TPRKB: variants seen among roughly 807,000 people sequenced by gnomAD.
The protein encoded by TPRKB is EKC/KEOPS complex subunit TPRKB.
Under a neutral mutation model 17.8 loss-of-function variants are expected in TPRKB, and 11 were observed. That is an observed-to-expected ratio of 0.62 (90% CI 0.39 to 1.02). TPRKB has a LOEUF of 1.02. Ranked by LOEUF, TPRKB falls within the 50% of genes least tolerant of loss-of-function variation. TPRKB has a pLI of 0.00. For missense variants in TPRKB, 228 were observed against 198.0 expected, an observed-to-expected ratio of 1.15 and a Z score of -0.91; for synonymous variants, 71 against 69.5, an observed-to-expected ratio of 1.02 and a Z score of -0.11.
Position 73,730,631 on chromosome 2 carries a change from A to G in TPRKB, c.370T>C (p.Ser124Pro). ...EKQINQEYLI[S>P]QVEGHQVSLK... ...GAAACCTGATGACCTTCTACTTGAG[A>G]TATTAGGTATTCTTGATTTATTTGT... The change falls in exon 4 of 5, where the codon TCT (serine) becomes CCT (proline). Residue 124 changes from serine (S) to proline (P), a missense_variant. Physicochemically the swap from Ser to Pro is moderately conservative, Grantham distance 74. Coordinates refer to ENST00000272424, the MANE Select transcript of TPRKB (RefSeq NM_016058.5). 1 of 1,591,462 alleles carries G rather than the reference A, an allele frequency of 6.3e-7. No homozygotes were observed.
intron 1 of TPRKB, among the ~76,000 whole-genome samples, chr2:73,735,686 G>A (rs1671847625): frequency 6.6e-6 from 1 of 152,148 alleles, no homozygotes; most frequent in South Asian, 2.1e-4. Context: ...AGAAAGACAT[G>A]ACCATATCTT....
rs1249519657 is a variant in TPRKB, at chr2:73,732,179, A to G, written c.248T>C (p.Leu83Pro). 9 of 1,613,576 alleles carry G rather than the reference A, an allele frequency of 5.6e-6. No individual in the cohort carries two copies. Among genetic ancestry groups the G allele is most frequent in the Non-Finnish European group, 7.6e-6 (9 of 1,179,866 alleles). Residue 83 changes from leucine (L) to proline (P), a missense_variant, in exon 3 of 5, where the codon CTT (leucine) becomes CCT (proline). Physicochemically the swap from Leu to Pro is moderately conservative, Grantham distance 98. Coordinates refer to ENST00000272424, the MANE Select transcript of TPRKB (RefSeq NM_016058.5). ...GCACATTACATTGTTATTTGGGGAA[A>G]GGTTGAAAATAATTTCAGTAGATAG... ...RTLSTEIIFN[L>P]SPNNNISEAL...
intron 2 of TPRKB, 108 bp downstream of exon 2, chr2:73,734,321 A>C: frequency 8.7e-7 from 1 of 1,145,930 alleles, no homozygotes; most frequent in Non-Finnish European, 1.2e-6. Context: ...CTGGTCTTCA[A>C]CTCCTGACCT....
At chr2:73,730,869 C>CA in intron 3 of TPRKB, 133 bp from the exon 4 acceptor site, 2 of 573,896 alleles carry the variant, frequency 3.5e-6, no homozygotes, top group Non-Finnish European at 5.7e-6. Flanking sequence ...TCACTGCCTA[C>CA]TTTTTCACTT....
chr2:73,734,223 C>T (rs543466305), intron 2 of TPRKB, among the ~76,000 whole-genome samples: 3 of 151,936 alleles, frequency 2.0e-5, no homozygotes, highest in Admixed American at 2.0e-4. Context: ...CTCAGCCTCC[C>T]GAGTAGCTGG....
At chr2:73,733,246 GTTTTTTTGTT>G (rs1248524221) in intron 2 of TPRKB, among the ~76,000 whole-genome samples, 2 of 119,422 alleles carry the variant, frequency 1.7e-5, no homozygotes, top group South Asian at 2.9e-4. Flanking sequence ...CGTGTGCCCT[GTTTTTTTGTT>G]TTTTTTTTTT....
Position 73,730,712 on chromosome 2 carries a change from C to G in TPRKB, c.289G>C (p.Gly97Arg), listed in dbSNP as rs749744467. Residue 97 changes from glycine (G) to arginine (R), a missense_variant, in exon 4 of 5, where the codon GGT (glycine) becomes CGT (arginine). Transcript: ENST00000272424. ...NNISEALKKF[G>R]ISANDTSILI... ...ATTGAAGTGTCATTTGCTGAGATAC[C>G]AAATTTTTTCAAAGCCTCTGAAATC... 1.3e-6 allele frequency: 2 copies of G among 1,499,900 alleles called. No individual in the cohort carries two copies. Among genetic ancestry groups the G allele is most frequent in the African/African-American group, 1.5e-5 (1 of 67,814 alleles). The allele number at this position is 1,499,900 out of a possible 1,614,324, so 92.9% of individuals were successfully genotyped here. A position where few individuals can be genotyped will look rare whatever the true frequency, so the allele number is the denominator to read the frequency against.
chr2:73,730,513 T>G, intron 4 of TPRKB, 47 bp downstream of exon 4: 1 of 1,364,426 alleles, frequency 7.3e-7, no homozygotes, highest in Non-Finnish European at 1.0e-6. Flanking sequence ...GGCATCAGCA[T>G]TATTGCTCAT....
intron 2 of TPRKB, among the ~76,000 whole-genome samples, chr2:73,733,269 T>TTTTG (rs70965751): frequency 1.4e-5 from 2 of 147,530 alleles, no homozygotes; most frequent in Non-Finnish European, 3.0e-5. Context: ...TTTTTTTTTT[T>TTTTG]GGAGACAGAC....
chr2:73,730,037 A>T lies in TPRKB; in HGVS notation c.442-8T>A, dbSNP rs771658283. The stretch of plus-strand genomic sequence containing the variant: ...TGAAGAGAGTTTATATATCTGTAAA[A>T]ATGAAAGACAAATTATGACTTGCTG... On this transcript the variant is annotated splice_polypyrimidine_tract_variant and splice_region_variant and intron_variant, in intron 4 of 4. Transcript: ENST00000272424. 5 of 1,550,618 alleles carry T rather than the reference A, an allele frequency of 3.2e-6. No homozygotes were observed. Among genetic ancestry groups the T allele is most frequent in the Non-Finnish European group, 4.4e-6 (5 of 1,146,242 alleles).
intron 2 of TPRKB, among the ~76,000 whole-genome samples, chr2:73,733,531 A>C (rs1041588578): frequency 6.6e-6 from 1 of 151,824 alleles, no homozygotes; most frequent in African/African-American, 2.4e-5. Flanking sequence ...TGTACTCTTA[A>C]CCACTACACT....
chr2:73,734,575 A>AGAT lies in TPRKB; in HGVS notation c.-9_-7dup, dbSNP rs539761379. 254 of 1,603,974 alleles carry AGAT rather than the reference A, an allele frequency of 1.6e-4. No homozygotes were observed. In the African/African-American group the frequency reaches 1.8e-3, roughly 11 times the overall value. On this transcript the variant is annotated 5_prime_UTR_variant, in exon 2 of 5. Coordinates refer to ENST00000272424, the MANE Select transcript of TPRKB (RefSeq NM_016058.5). ...AGCTGATGTGTTAACTGCATTTCAC[A>AGAT]GATAAGCAGGATTCTACTGCACACA...
At chr2:73,730,160 G>A in intron 4 of TPRKB, 131 bp from the exon 5 acceptor site, 2 of 1,103,692 alleles carry the variant, frequency 1.8e-6, no homozygotes, top group Non-Finnish European at 2.5e-6. Context: ...AACAACAAAT[G>A]TGATTAAAAT....
At chr2:73,736,421 A>T (rs1671882201) in intron 1 of TPRKB, among the ~76,000 whole-genome samples, 1 of 152,208 alleles carries the variant, frequency 6.6e-6, no homozygotes, top group African/African-American at 2.4e-5. Context: ...CACACAAAAC[A>T]TGAGTACACA....
chr2:73,730,181 GA>G, intron 4 of TPRKB, 152 bp from the exon 5 acceptor site: 1 of 950,384 alleles, frequency 1.1e-6, no homozygotes, highest in Non-Finnish European at 1.4e-6. Flanking sequence ...ATTCAAAGTA[GA>G]GGGCAATTCA....
At chr2:73,736,040 T>C (rs1281734646) in intron 1 of TPRKB, among the ~76,000 whole-genome samples, 1 of 152,132 alleles carries the variant, frequency 6.6e-6, no homozygotes, top group Non-Finnish European at 1.5e-5. Flanking sequence ...AAACACAAAC[T>C]GGCCAAAATG....
chr2:73,736,435 TAAGA>T (rs1483784110), intron 1 of TPRKB, among the ~76,000 whole-genome samples: 1 of 152,100 alleles, frequency 6.6e-6, no homozygotes, highest in Non-Finnish European at 1.5e-5. Context: ...GTACACATAA[TAAGA>T]AAGGAAAAAA....
chr2:73,733,691 G>T (rs1432376623), intron 2 of TPRKB, among the ~76,000 whole-genome samples: 1 of 152,038 alleles, frequency 6.6e-6, no homozygotes, highest in Non-Finnish European at 1.5e-5. Flanking sequence ...CACTGTTATA[G>T]TCAAAGTTGG....
Position 73,732,275 on chromosome 2 carries a change from GGAT to G in TPRKB, c.149_151del (p.Asp50_Pro51delinsAla). 6.2e-7 allele frequency: 1 copy of G among 1,611,928 alleles called. No homozygotes were observed. Among genetic ancestry groups the G allele is most frequent in the South Asian group, 1.1e-5 (1 of 90,482 alleles). ...GTTTGCTGCCACAAGTATCTGAAATGGATCAACAATCTACCAAAGCAAGGAAAA... is the reference window on the plus strand; with the variant it reads ...GTTTGCTGCCACAAGTATCTGAAATGCAACAATCTACCAAAGCAAGGAAAA... On this transcript the variant is annotated inframe_deletion, in exon 3 of 5. Coordinates refer to ENST00000272424, the MANE Select transcript of TPRKB (RefSeq NM_016058.5).
Sources: gnomAD v4.1 joint callset for allele counts (sites outside exome capture counted in the v4.1 genomes callset) on GRCh38, gnomAD v4.1.1 for gene constraint, MANE v1.5 for transcripts, NCBI Gene and HGNC (gene_info 2026-07-23, HGNC 2026-07-21) for gene names.